The following ZEB1 variants were observed in gnomAD, a reference collection of about 807,000 sequenced individuals.
ZEB1 encodes zinc finger E-box-binding homeobox 1.
In ZEB1, 21 loss-of-function variants were observed where a neutral mutation model predicts 84.9. That is an observed-to-expected ratio of 0.25 (90% confidence interval 0.18 to 0.36). ZEB1 has a LOEUF of 0.36. Among genes scored for constraint, ZEB1 ranks in the 10% least tolerant of loss-of-function variants. The pLI is 1.00. For synonymous variants in ZEB1, 420 were observed against 471.1 expected, an observed-to-expected ratio of 0.89 and a Z score of 1.41; for missense variants, 1,104 against 1,330.2, an observed-to-expected ratio of 0.83 and a Z score of 2.65.
chr10:31,330,513 G>A (rs1259398114), intron 1 of ZEB1, among the ~76,000 whole-genome samples: 1 of 152,126 alleles, frequency 6.6e-6, no homozygotes, highest in Non-Finnish European at 1.5e-5. Context: ...TTTCCTACAA[G>A]GTTTTAAGGA....
intron 4 of ZEB1, among the ~76,000 whole-genome samples, chr10:31,506,623 T>A (rs543584485): frequency 2.0e-5 from 3 of 152,256 alleles, no homozygotes; most frequent in Admixed American, 2.0e-4. Flanking sequence ...CATCTTTTTC[T>A]GTCCCTTTAC....
intron 1 of ZEB1, among the ~76,000 whole-genome samples, chr10:31,356,992 C>A (rs1447142951): frequency 6.6e-6 from 1 of 152,082 alleles, no homozygotes; most frequent in Non-Finnish European, 1.5e-5. Context: ...CTCTACAGGG[C>A]AAAATCGACC....
rs539742755 is a variant in ZEB1 at position 31,492,221 on chromosome 10, A to AC, written c.260-3554dup. On this transcript the variant is annotated intron_variant, in intron 2 of 8. Transcript: ENST00000424869. Reference sequence around the variant, plus strand: ...CATTGACTTAAGACTTTTCAACTTTACAGTGGTGTGAAAGAAATATGTATT... The same window carrying AC: ...CATTGACTTAAGACTTTTCAACTTTACCAGTGGTGTGAAAGAAATATGTATT... Among the ~76,000 whole-genome samples the AC allele has an allele frequency of 1.5e-3, 234 of 152,048 alleles. 1 individual carries two copies. The highest frequency in any genetic ancestry group is 4.7e-3 in the African/African-American group (197 of 41,530).
chr10:31,512,024 C>T (rs190391757), intron 5 of ZEB1, among the ~76,000 whole-genome samples: 25 of 152,212 alleles, frequency 1.6e-4, no homozygotes, highest in Non-Finnish European at 5.9e-5. Flanking sequence ...AAGAGAAGGA[C>T]GAAATTAATA....
At chr10:31,419,108 G>T (rs1007035313) in intron 1 of ZEB1, among the ~76,000 whole-genome samples, 5 of 152,106 alleles carry the variant, frequency 3.3e-5, no homozygotes, top group African/African-American at 1.2e-4. Context: ...ATGGATATTA[G>T]AAAGTAATCC....
At chr10:31,471,076 A>AAAGG (rs1157522562) in intron 2 of ZEB1, among the ~76,000 whole-genome samples, 1 of 132,596 alleles carries the variant, frequency 7.5e-6, no homozygotes, top group Non-Finnish European at 1.6e-5. Context: ...CTAAACATGG[A>AAAGG]AAGGAACAAC....
At chr10:31,365,875 A>G (rs888606665) in intron 1 of ZEB1, among the ~76,000 whole-genome samples, 1 of 152,250 alleles carries the variant, frequency 6.6e-6, no homozygotes, top group Non-Finnish European at 1.5e-5. Flanking sequence ...TCTACTGAAT[A>G]TAGGGAACAT....
chr10:31,356,732 C>T lies in ZEB1; in HGVS notation c.58+37440C>T, dbSNP rs556514392. 1.3e-3 allele frequency among the ~76,000 whole-genome samples: 200 copies of T among 152,188 alleles called. 1 individual carries two copies. Among genetic ancestry groups the T allele is most frequent in the African/African-American group, 4.2e-3 (175 of 41,520 alleles). On this transcript the variant is annotated intron_variant, in intron 1 of 8. Coordinates refer to ENST00000424869, the MANE Select transcript of ZEB1 (RefSeq NM_001174096.2). ...GGGATACCATAGTCAACTACCTATA[C>T]GGGCCTTAACTATAAAGAATTAGGC...
At chr10:31,435,804 C>G (rs901908470) in intron 1 of ZEB1, among the ~76,000 whole-genome samples, 1 of 152,174 alleles carries the variant, frequency 6.6e-6, no homozygotes, top group Non-Finnish European at 1.5e-5. Context: ...GAGAGTGATA[C>G]ATTTTGCTTT....
At chr10:31,461,385 G>A (rs1412684778) in intron 2 of ZEB1, 148 bp downstream of exon 2, 23 of 804,644 alleles carry the variant, frequency 2.9e-5, no homozygotes, top group Non-Finnish European at 4.5e-5. Flanking sequence ...TTACTAAAAA[G>A]TGGATTATGA....
In ZEB1 at chr10:31,367,756, T is replaced by G. The variant is rs532877825; in HGVS notation, c.58+48464T>G. Among the ~76,000 whole-genome samples the G allele has an allele frequency of 3.9e-5, 6 of 152,258 alleles. No homozygotes were observed. The East Asian group carries it at 1.2e-3, about 29-fold the overall frequency. On this transcript the variant is annotated intron_variant, in intron 1 of 8. Transcript: ENST00000424869. ...ACTGGTTCTTATATAAATTGAAGTA[T>G]CAATATGCTGACTCTATATAGGAAT...
chr10:31,321,296 G>A lies in ZEB1; in HGVS notation c.58+2004G>A, dbSNP rs547727845. 1.4e-5 allele frequency: 20 copies of A among 1,389,986 alleles called. No homozygotes were observed. The East Asian group carries it at 5.0e-4, about 35-fold the overall frequency. 86.1% of individuals were successfully genotyped at this position (1,389,986 alleles called of 1,614,324 possible). ...ATAATTATATTTTTAATATATTCGA[G>A]CCATCATTAAAATCACTGCTTTCGT... is the stretch of plus-strand genomic sequence containing the variant. On this transcript the variant is annotated intron_variant, in intron 1 of 8. Transcript: ENST00000424869.
At chr10:31,442,562 A>G (rs924395747) in intron 1 of ZEB1, among the ~76,000 whole-genome samples, 1 of 142,128 alleles carries the variant, frequency 7.0e-6, no homozygotes, top group African/African-American at 3.1e-5. Flanking sequence ...GTATAATAAT[A>G]ATAATAAAAA....
At chr10:31,347,783 G>A (rs1004694003) in intron 1 of ZEB1, among the ~76,000 whole-genome samples, 1 of 152,032 alleles carries the variant, frequency 6.6e-6, no homozygotes, top group African/African-American at 2.4e-5. Flanking sequence ...TGTCTGACAA[G>A]TTGGATTTTT....
At chr10:31,399,450 A>C (rs144707194) in intron 1 of ZEB1, among the ~76,000 whole-genome samples, 2 of 152,140 alleles carry the variant, frequency 1.3e-5, no homozygotes, top group African/African-American at 4.8e-5. Flanking sequence ...CTTTCATTCC[A>C]CATATGATAA....
In ZEB1 at chr10:31,483,261, T is replaced by A. The variant is rs538752458; in HGVS notation, c.260-12515T>A. ...AATTGCTTTCCCAAATATTATTTAT[T>A]TTCATACTTAGAATAGCTCTGTGAG... is the stretch of plus-strand genomic sequence containing the variant. On this transcript the variant is annotated intron_variant, in intron 2 of 8. Transcript: ENST00000424869. 3.9e-5 allele frequency among the ~76,000 whole-genome samples: 6 copies of A among 152,150 alleles called. 1 individual carries two copies. The South Asian group carries it at 1.2e-3, about 32-fold the overall frequency.
intron 6 of ZEB1, among the ~76,000 whole-genome samples, chr10:31,518,252 G>A (rs1452545921): frequency 2.0e-5 from 3 of 152,124 alleles, no homozygotes; most frequent in South Asian, 2.1e-4. Context: ...ATAAATTGGA[G>A]AATCCCCAGA....
chr10:31,342,280 C>T (rs1467439908), intron 1 of ZEB1, among the ~76,000 whole-genome samples: 1 of 152,068 alleles, frequency 6.6e-6, no homozygotes, highest in African/African-American at 2.4e-5. Context: ...AAGTAACTTA[C>T]ATTCACAATT....
At chr10:31,392,869 C>G (rs1010428023) in intron 1 of ZEB1, among the ~76,000 whole-genome samples, 2 of 152,052 alleles carry the variant, frequency 1.3e-5, no homozygotes, top group African/African-American at 2.4e-5. Flanking sequence ...AGGTCTCACT[C>G]TGTCACCCAG....
Sources: allele counts gnomAD v4.1 joint callset (sites outside exome capture counted in the v4.1 genomes callset), GRCh38; gene constraint gnomAD v4.1.1; transcripts MANE v1.5; gene names NCBI Gene and HGNC (gene_info 2026-07-23, HGNC 2026-07-21).